Variants in GNG12 observed in about 807,000 individuals in gnomAD.
GNG12 encodes guanine nucleotide-binding protein G(I)/G(S)/G(O) subunit gamma-12.
For synonymous variants in GNG12, 28 were observed against 29.7 expected, an observed-to-expected ratio of 0.94 and a Z score of 0.19; for missense variants, 69 against 83.8, an observed-to-expected ratio of 0.82 and a Z score of 0.69.
At chr1:67,796,033 T>C (rs902642698) in intron 1 of GNG12, among the ~76,000 whole-genome samples, 2 of 152,238 alleles carry the variant, frequency 1.3e-5, no homozygotes, top group Non-Finnish European at 2.9e-5. Flanking sequence ...ACCCTTCTTA[T>C]GATCGATGTT....
At chr1:67,833,034 G>A (rs974969067) in intron 1 of GNG12, among the ~76,000 whole-genome samples, 28 of 151,958 alleles carry the variant, frequency 1.8e-4, no homozygotes, top group African/African-American at 6.5e-4. Flanking sequence ...AGCCGTGGGG[G>A]CGGCTTCCCG....
At chr1:67,787,035 A>G (rs951649689) in intron 1 of GNG12, among the ~76,000 whole-genome samples, 1 of 36,156 alleles carries the variant, frequency 2.8e-5, no homozygotes, top group African/African-American at 9.5e-5. Context: ...GTATGTGTAT[A>G]AGTGTGTGTG....
At position 67,759,379 on chromosome 1, in the gene GNG12, G is replaced by A. The variant is rs570124369; in HGVS notation, c.-27+18079C>T. ...GTAAACACTGGTCAAGTGCCTAACTGCATCCAAAGTACTGTGGGAGACAAT... is the reference window on the plus strand; with the variant it reads ...GTAAACACTGGTCAAGTGCCTAACTACATCCAAAGTACTGTGGGAGACAAT... On this transcript the variant is annotated intron_variant, in intron 2 of 3. Coordinates refer to ENST00000370982, the MANE Select transcript of GNG12 (RefSeq NM_018841.6). Among the ~76,000 whole-genome samples, 8 of 152,342 alleles carry A rather than the reference G, an allele frequency of 5.3e-5. No individual in the cohort carries two copies. In the South Asian group the frequency reaches 1.7e-3, roughly 32 times the overall value.
intron 1 of GNG12, among the ~76,000 whole-genome samples, chr1:67,816,712 C>T (rs930060640): frequency 6.6e-6 from 1 of 152,168 alleles, no homozygotes; most frequent in African/African-American, 2.4e-5. Flanking sequence ...CGTACTCAGC[C>T]GTCCTCCCAG....
Position 67,707,609 on chromosome 1 carries a change from G to T in GNG12, c.78C>A (p.Ser26=). ...GGCTTCTTACCTTTATTCTTTCAAT[G>T]GAGGCTTCTAATCTTAACTGCTGCA... ...RTVQQLRLEA[S]IERIKVSKAS... The change falls in exon 3 of 4, where the codon TCC becomes TCA. Residue 26 remains serine (S), a synonymous_variant. Transcript: ENST00000370982. 1 of 1,583,194 alleles carries T rather than the reference G, an allele frequency of 6.3e-7. No individual in the cohort carries two copies. The highest frequency in any genetic ancestry group is 2.2e-5 in the East Asian group (1 of 44,458).
At chr1:67,749,601 G>C (rs911847357) in intron 2 of GNG12, among the ~76,000 whole-genome samples, 1 of 152,158 alleles carries the variant, frequency 6.6e-6, no homozygotes, top group Non-Finnish European at 1.5e-5. Flanking sequence ...CCCCCAGGAA[G>C]CACGTCTCAG....
intron 2 of GNG12, among the ~76,000 whole-genome samples, chr1:67,729,037 T>C (rs955241715): frequency 1.3e-5 from 2 of 152,216 alleles, no homozygotes; most frequent in Non-Finnish European, 2.9e-5. Flanking sequence ...TTGGCACTGA[T>C]ACTGCTACCC....
At chr1:67,831,462 A>G (rs1286502387) in intron 1 of GNG12, among the ~76,000 whole-genome samples, 1 of 152,194 alleles carries the variant, frequency 6.6e-6, no homozygotes, top group African/African-American at 2.4e-5. Flanking sequence ...TCACATTTTC[A>G]TATATTTCTA....
intron 2 of GNG12, among the ~76,000 whole-genome samples, chr1:67,710,059 TATA>T (rs1314071846): frequency 2.0e-4 from 9 of 44,564 alleles, no homozygotes; most frequent in African/African-American, 5.8e-4. Flanking sequence ...GTTATATATA[TATA>T]GTTATATATA....
intron 1 of GNG12, among the ~76,000 whole-genome samples, chr1:67,807,459 GA>G (rs766677975): frequency 6.8e-5 from 10 of 146,438 alleles, no homozygotes; most frequent in Admixed American, 5.4e-4. Flanking sequence ...TCAAATTAAA[GA>G]AAAAAATCAA....
At chr1:67,784,188 T>A (rs1002462577) in intron 1 of GNG12, among the ~76,000 whole-genome samples, 5 of 150,418 alleles carry the variant, frequency 3.3e-5, no homozygotes, top group African/African-American at 4.9e-5. Flanking sequence ...AAATTGGAAA[T>A]CATCATTCTC....
At chr1:67,803,423 G>A (rs762763251) in intron 1 of GNG12, among the ~76,000 whole-genome samples, 2 of 152,138 alleles carry the variant, frequency 1.3e-5, no homozygotes, top group African/African-American at 2.4e-5. Flanking sequence ...ATGAAAAAAA[G>A]GTTGAGAAGC....
chr1:67,831,117 C>G (rs1370030330), intron 1 of GNG12, among the ~76,000 whole-genome samples: 2 of 152,218 alleles, frequency 1.3e-5, no homozygotes, highest in Non-Finnish European at 2.9e-5. Flanking sequence ...AGCTTCTCTT[C>G]CAAGTTAGGG....
intron 2 of GNG12, among the ~76,000 whole-genome samples, chr1:67,710,875 G>T (rs985996668): frequency 6.6e-6 from 1 of 152,072 alleles, no homozygotes; most frequent in African/African-American, 2.4e-5. Flanking sequence ...ATTTTTAATT[G>T]AGTACTACTG....
intron 1 of GNG12, among the ~76,000 whole-genome samples, chr1:67,792,545 T>C (rs1570552983): frequency 6.6e-6 from 1 of 152,220 alleles, no homozygotes; most frequent in South Asian, 2.1e-4. Context: ...GCATCTGGCA[T>C]GTTCTGTAGT....
intron 1 of GNG12, among the ~76,000 whole-genome samples, chr1:67,783,341 C>A (rs2251516): frequency 0.084 from 12,816 of 152,176 alleles, 552 homozygotes; most frequent in Admixed American, 0.1. Context: ...TATCTTATTT[C>A]TCTGGCTTCT....
At chr1:67,810,602 T>C (rs796220036) in intron 1 of GNG12, among the ~76,000 whole-genome samples, 3 of 152,306 alleles carry the variant, frequency 2.0e-5, no homozygotes, top group Admixed American at 6.5e-5. Flanking sequence ...AAAAAAAGAT[T>C]GATTTGTGAG....
intron 2 of GNG12, among the ~76,000 whole-genome samples, chr1:67,715,855 T>A (rs1271068265): frequency 6.6e-6 from 1 of 152,264 alleles, no homozygotes; most frequent in Admixed American, 6.5e-5. Context: ...AAATAACTTA[T>A]AAATATTAGC....
At chr1:67,757,665 G>A (rs1325758105) in intron 2 of GNG12, among the ~76,000 whole-genome samples, 2 of 152,112 alleles carry the variant, frequency 1.3e-5, no homozygotes, top group African/African-American at 4.8e-5. Context: ...TATACTGACT[G>A]TTGCCTTCCC....
Sources: allele counts gnomAD v4.1 joint callset (sites outside exome capture counted in the v4.1 genomes callset), GRCh38; gene constraint gnomAD v4.1.1; transcripts MANE v1.5; gene names NCBI Gene and HGNC (gene_info 2026-07-23, HGNC 2026-07-21).